Variants in TMTC1 observed in about 807,000 individuals in gnomAD.
TMTC1 encodes protein O-mannosyl-transferase TMTC1.
Under a neutral mutation model 104.8 loss-of-function variants are expected in TMTC1, and 73 were observed. The ratio of observed to expected loss-of-function variants is 0.70; its 90% CI spans 0.58 to 0.85. TMTC1 has a LOEUF of 0.85. Among genes scored for constraint, TMTC1 ranks in the 40% least tolerant of loss-of-function variants. The pLI is 0.00. For synonymous variants in TMTC1, 434 were observed against 428.7 expected, an observed-to-expected ratio of 1.01 and a Z score of -0.15; for missense variants, 1,035 against 1,096.1, an observed-to-expected ratio of 0.94 and a Z score of 0.79.
rs1943668780 is a variant in TMTC1 at position 29,505,064 on chromosome 12, G to T, written c.*1782C>A. 6.6e-6 allele frequency: 1 copy of T among 152,142 alleles called. No homozygotes were observed. The highest frequency in any genetic ancestry group is 6.5e-5 in the Admixed American group (1 of 15,272). 9.4% of individuals were successfully genotyped at this position (152,142 alleles called of 1,614,324 possible). Reference sequence around the variant, plus strand: ...GTAACATATACATTCTTGGATTACTGTTGCACACAAAGAGATGCATGCTAA... The same window carrying T: ...GTAACATATACATTCTTGGATTACTTTTGCACACAAAGAGATGCATGCTAA... On this transcript the variant is annotated 3_prime_UTR_variant, in exon 18 of 18. Coordinates refer to ENST00000539277, the MANE Select transcript of TMTC1 (RefSeq NM_001193451.2).
rs765928072 is a variant in TMTC1, at chr12:29,572,145, G to C, written c.1492C>G (p.Arg498Gly). ...TAGTGGTAGATCGCTTCCTTGTTCC[G>C]ACCTTGGTCCTTCAGGAAATTGGCA... The part of the protein sequence containing the change: ...NYANFLKDQG[R>G]NKEAIYHYRT... Residue 498 changes from arginine to glycine, a missense_variant, in exon 9 of 18, where the codon CGG becomes GGG. Transcript: ENST00000539277. The C allele has an allele frequency of 2.5e-6, 4 of 1,613,948 alleles. No individual in the cohort carries two copies. Among genetic ancestry groups the C allele is most frequent in the Non-Finnish European group, 3.4e-6 (4 of 1,179,866 alleles).
chr12:29,584,632 C>T (rs902804580), intron 7 of TMTC1, among the ~76,000 whole-genome samples: 1 of 152,026 alleles, frequency 6.6e-6, no homozygotes, highest in Non-Finnish European at 1.5e-5. Context: ...TGATGTTCCC[C>T]TTCCTGTGTC....
chr12:29,618,181 A>G (rs1947037090), intron 6 of TMTC1, among the ~76,000 whole-genome samples: 2 of 152,210 alleles, frequency 1.3e-5, no homozygotes, highest in Admixed American at 1.3e-4. Flanking sequence ...AGAAAGAGAA[A>G]AAAGGAAATC....
intron 5 of TMTC1, among the ~76,000 whole-genome samples, chr12:29,644,292 G>A (rs902320835): frequency 4.0e-5 from 6 of 151,222 alleles, no homozygotes; most frequent in South Asian, 2.1e-4. Context: ...TGTTCTCACC[G>A]ATATGCGGGA....
At chr12:29,741,962 A>G (rs1490235773) in intron 5 of TMTC1, among the ~76,000 whole-genome samples, 1 of 152,226 alleles carries the variant, frequency 6.6e-6, no homozygotes, top group African/African-American at 2.4e-5. Context: ...ATAATGAAAG[A>G]GACCACTTTT....
chr12:29,512,160 C>T, intron 16 of TMTC1, 40 bp from the exon 17 acceptor site: 1 of 1,531,106 alleles, frequency 6.5e-7, no homozygotes, highest in Middle Eastern at 1.7e-4. Context: ...GGAAACAAAC[C>T]TCCAAACTCC....
At chr12:29,617,604 A>G (rs538744448) in intron 6 of TMTC1, among the ~76,000 whole-genome samples, 8 of 152,104 alleles carry the variant, frequency 5.3e-5, no homozygotes, top group African/African-American at 1.9e-4. Flanking sequence ...GAAAAGAGAG[A>G]AAGAGACCAC....
chr12:29,615,698 C>T (rs2136441797), intron 6 of TMTC1, among the ~76,000 whole-genome samples: 1 of 152,254 alleles, frequency 6.6e-6, no homozygotes, highest in African/African-American at 2.4e-5. Context: ...TTACAGCCTC[C>T]ATAGAATGAA....
Position 29,779,449 on chromosome 12 carries a change from G to C in TMTC1, c.302+4001C>G, listed in dbSNP as rs553031436. On this transcript the variant is annotated intron_variant, in intron 1 of 17. Coordinates refer to ENST00000539277, the MANE Select transcript of TMTC1 (RefSeq NM_001193451.2). ...CCCTCAAAACTGGTAGAAGTAGATG[G>C]TCTGCAACCCATTTCCTCATTTCAA... Among the ~76,000 whole-genome samples, 33 of 151,990 alleles carry C rather than the reference G, an allele frequency of 2.2e-4. No individual in the cohort carries two copies. The South Asian group carries it at 6.5e-3, about 30-fold the overall frequency.
At chr12:29,644,149 G>GTGTGTGTA (rs1174156187) in intron 5 of TMTC1, among the ~76,000 whole-genome samples, 19 of 49,382 alleles carry the variant, frequency 3.8e-4, no homozygotes, top group Non-Finnish European at 7.3e-4. Context: ...GTGTGTGTGT[G>GTGTGTGTA]TATATATATA....
At chr12:29,656,384 G>A (rs113142570) in intron 5 of TMTC1, among the ~76,000 whole-genome samples, 2,344 of 136,672 alleles carry the variant, frequency 0.017, 60 homozygotes, top group African/African-American at 0.06. Context: ...TTTAAAGACA[G>A]AGTCTCGCTC....
rs139158813 is a variant in TMTC1 at position 29,661,320 on chromosome 12, A to C, written c.939-27984T>G. On this transcript the variant is annotated intron_variant, in intron 5 of 17. Transcript: ENST00000539277. Reference sequence around the variant, plus strand: ...AAAATAAGAGTTTATTTACCTACTTAATATAATTTGAAGGCTCCAATGTCT... The same window carrying C: ...AAAATAAGAGTTTATTTACCTACTTCATATAATTTGAAGGCTCCAATGTCT... 162 of 966,448 alleles carry C rather than the reference A, an allele frequency of 1.7e-4. 3 individuals are homozygous for C. The East Asian group carries it at 0.017, about 102-fold the overall frequency. The allele number at this position is 966,448 out of a possible 1,614,324, so 59.9% of individuals were successfully genotyped here. A position where few individuals can be genotyped will look rare whatever the true frequency, so the allele number is the denominator to read the frequency against.
chr12:29,755,528 C>G (rs746037688), intron 4 of TMTC1, among the ~76,000 whole-genome samples, 181 bp downstream of exon 4: 12 of 152,150 alleles, frequency 7.9e-5, no homozygotes, highest in Non-Finnish European at 1.6e-4. Flanking sequence ...AAGTGTGAAG[C>G]ATTTGAACAT....
At chr12:29,643,532 T>C (rs1329313218) in intron 5 of TMTC1, among the ~76,000 whole-genome samples, 1 of 64,726 alleles carries the variant, frequency 1.5e-5, no homozygotes, top group African/African-American at 7.5e-5. Context: ...ATATAAAATA[T>C]ATAATATATA....
At chr12:29,732,682 C>T (rs1942576005) in intron 5 of TMTC1, among the ~76,000 whole-genome samples, 1 of 152,096 alleles carries the variant, frequency 6.6e-6, no homozygotes, top group Admixed American at 6.6e-5. Flanking sequence ...AAAAAAATTA[C>T]AGTCTGCCCT....
At chr12:29,532,756 T>C (rs940237551) in intron 11 of TMTC1, 1 of 152,204 alleles carries the variant, frequency 6.6e-6, no homozygotes, top group Non-Finnish European at 1.5e-5. Flanking sequence ...GTTTCCTTTA[T>C]ATATTTATAT....
At chr12:29,573,241 C>T (rs1945730709) in intron 8 of TMTC1, among the ~76,000 whole-genome samples, 1 of 152,154 alleles carries the variant, frequency 6.6e-6, no homozygotes, top group South Asian at 2.1e-4. Flanking sequence ...TTGATTATGA[C>T]ATGCCAGGCC....
intron 5 of TMTC1, among the ~76,000 whole-genome samples, chr12:29,663,888 C>T (rs36113608): frequency 0.33 from 50,341 of 151,420 alleles, 8,938 homozygotes; most frequent in African/African-American, 0.44. Context: ...TGTAAAGTGT[C>T]CCCTGGTTTC....
At chr12:29,775,708 C>T (rs1185782818) in intron 1 of TMTC1, among the ~76,000 whole-genome samples, 1 of 152,094 alleles carries the variant, frequency 6.6e-6, no homozygotes, top group Admixed American at 6.5e-5. Context: ...TGATTGAAAT[C>T]ACTGACCACA....
Sources: gnomAD v4.1 joint callset for allele counts (sites outside exome capture counted in the v4.1 genomes callset) on GRCh38, gnomAD v4.1.1 for gene constraint, MANE v1.5 for transcripts, NCBI Gene and HGNC (gene_info 2026-07-23, HGNC 2026-07-21) for gene names.